TNPO3: variants seen among roughly 807,000 people sequenced by gnomAD.
TNPO3 encodes the protein transportin-3.
TNPO3 carries 65 observed loss-of-function variants against 122.8 expected under a neutral mutation model. The ratio of observed to expected loss-of-function variants is 0.53; its 90% CI spans 0.43 to 0.65. TNPO3 has a LOEUF of 0.65. Ranked by LOEUF, TNPO3 falls within the 30% of genes least tolerant of loss-of-function variation. The probability of loss-of-function intolerance (pLI) is 0.00; values close to 1 mark genes in which losing one functional copy is unlikely to be tolerated. For synonymous variants in TNPO3, 372 were observed against 411.2 expected, an observed-to-expected ratio of 0.90 and a Z score of 1.15; for missense variants, 850 against 1,136.7, an observed-to-expected ratio of 0.75 and a Z score of 3.63.
chr7:128,995,866 T>G (rs1428538174), intron 8 of TNPO3, among the ~76,000 whole-genome samples: 1 of 152,106 alleles, frequency 6.6e-6, no homozygotes, highest in Non-Finnish European at 1.5e-5. Flanking sequence ...GCCCAGCTAA[T>G]TTTTGTATTT....
chr7:128,997,445 A>C lies in TNPO3; in HGVS notation c.1102T>G (p.Tyr368Asp). 1 of 1,614,226 alleles carries C rather than the reference A, an allele frequency of 6.2e-7. No homozygotes were observed. The highest frequency in any genetic ancestry group is 8.5e-7 in the Non-Finnish European group (1 of 1,180,010). Reference sequence around the variant, plus strand: ...AAGGCGTGAAGCAGCCTCTGAATGTAAGCTTTGAAGATGCCATGAATAACT... The same window carrying C: ...AAGGCGTGAAGCAGCCTCTGAATGTCAGCTTTGAAGATGCCATGAATAACT... ...DEVIHGIFKA[Y>D]IQRLLHALAR... The change falls in exon 8 of 23, where the codon TAC (tyrosine) becomes GAC (aspartate). Residue 368 changes from tyrosine (Y) to aspartate (D), a missense_variant. Transcript: ENST00000265388.
upstream of TNPO3, chr7:129,056,048 G>A: frequency 2.6e-6 from 3 of 1,153,634 alleles, no homozygotes; most frequent in South Asian, 3.9e-5. Flanking sequence ...TCTTCGTGGG[G>A]AGGAACTGGA....
chr7:129,035,039 C>G (rs1018469208), intron 1 of TNPO3, among the ~76,000 whole-genome samples: 8 of 151,990 alleles, frequency 5.3e-5, no homozygotes, highest in Non-Finnish European at 1.2e-4. Context: ...CTTTGGGAGG[C>G]AGAGGTGGGC....
Position 128,982,355 on chromosome 7 carries a change from T to C in TNPO3, c.1783-31A>G, listed in dbSNP as rs369589124. The C allele has an allele frequency of 4.8e-5, 77 of 1,591,984 alleles. No homozygotes were observed. The Middle Eastern group carries it at 1.2e-3, about 24-fold the overall frequency. On this transcript the variant is annotated intron_variant, in intron 13 of 22. Transcript: ENST00000265388. ...GAGACAAAAGGACATTAACACCCAATTGTCACATGTACAAATCTACAGCCA... is the reference window on the plus strand; with the variant it reads ...GAGACAAAAGGACATTAACACCCAACTGTCACATGTACAAATCTACAGCCA...
chr7:129,001,352 G>A, intron 5 of TNPO3, 118 bp from the exon 6 acceptor site: 2 of 800,520 alleles, frequency 2.5e-6, no homozygotes, highest in South Asian at 3.0e-5. Flanking sequence ...CAAAATATAA[G>A]TAAATAATAA....
At chr7:129,032,326 A>G (rs1806046283) in intron 1 of TNPO3, among the ~76,000 whole-genome samples, 1 of 152,230 alleles carries the variant, frequency 6.6e-6, no homozygotes, top group Non-Finnish European at 1.5e-5. Flanking sequence ...TGCCACTTCT[A>G]TTCAACATAG....
intron 20 of TNPO3, 72 bp from the exon 21 acceptor site, chr7:128,967,464 A>T: frequency 1.1e-6 from 1 of 938,380 alleles, no homozygotes; most frequent in Admixed American, 2.0e-5. Context: ...ACAGATACTA[A>T]CAAAACCCCA....
intron 1 of TNPO3, among the ~76,000 whole-genome samples, chr7:129,046,917 A>T (rs775606469): frequency 3.3e-5 from 5 of 152,144 alleles, no homozygotes; most frequent in African/African-American, 1.2e-4. Flanking sequence ...AATTACCTCT[A>T]CCTGGCCCCA....
At chr7:128,987,465 A>G (rs940182208) in intron 11 of TNPO3, among the ~76,000 whole-genome samples, 1 of 152,224 alleles carries the variant, frequency 6.6e-6, no homozygotes, top group Non-Finnish European at 1.5e-5. Flanking sequence ...ACCAAATGTA[A>G]GTGCTCCAAG....
chr7:128,991,113 A>T (rs1288642798), intron 10 of TNPO3, among the ~76,000 whole-genome samples: 1 of 152,226 alleles, frequency 6.6e-6, no homozygotes, highest in African/African-American at 2.4e-5. Flanking sequence ...TAATCTTCAG[A>T]CTTGTCACAG....
intron 15 of TNPO3, among the ~76,000 whole-genome samples, chr7:128,979,448 AAGAT>A (rs1799415448): frequency 6.6e-6 from 1 of 152,236 alleles, no homozygotes; most frequent in Non-Finnish European, 1.5e-5. Flanking sequence ...GAGATGTTTA[AAGAT>A]AGTTCCTGGA....
intron 1 of TNPO3, among the ~76,000 whole-genome samples, chr7:129,040,004 C>T (rs1451644226): frequency 6.6e-6 from 1 of 152,146 alleles, no homozygotes; most frequent in Non-Finnish European, 1.5e-5. Context: ...CCTGTAATCC[C>T]AACACTTTGG....
At chr7:128,968,930 C>A (rs1798187260) in intron 20 of TNPO3, among the ~76,000 whole-genome samples, 1 of 151,712 alleles carries the variant, frequency 6.6e-6, no homozygotes, top group Non-Finnish European at 1.5e-5. Context: ...TCTATGTTGC[C>A]CAGGCTGGTA....
chr7:128,996,379 AATC>A (rs1313234952), intron 8 of TNPO3, among the ~76,000 whole-genome samples: 1 of 152,142 alleles, frequency 6.6e-6, no homozygotes, highest in African/African-American at 2.4e-5. Context: ...CATGGGGCAA[AATC>A]ATACACACAA....
In TNPO3 at chr7:129,019,051, G is replaced by T. The variant is rs570885568; in HGVS notation, c.121-894C>A. ...TTATTTTCTGATGTATTACTACTTG[G>T]CAAAGTGCTACACATGTTACTGAAA... On this transcript the variant is annotated intron_variant, in intron 1 of 22. Coordinates refer to ENST00000265388, the MANE Select transcript of TNPO3 (RefSeq NM_012470.4). Among the ~76,000 whole-genome samples, 4 of 152,196 alleles carry T rather than the reference G, an allele frequency of 2.6e-5. No individual in the cohort carries two copies. In the East Asian group the frequency reaches 7.7e-4, roughly 29 times the overall value.
intron 4 of TNPO3, among the ~76,000 whole-genome samples, chr7:129,012,368 A>C (rs1469890080): frequency 6.6e-6 from 1 of 152,030 alleles, no homozygotes; most frequent in African/African-American, 2.4e-5. Context: ...TTTTTTTTCA[A>C]ACTAAAAGAT....
intron 1 of TNPO3, among the ~76,000 whole-genome samples, chr7:129,021,848 A>T (rs980904399): frequency 8.5e-5 from 13 of 152,162 alleles, no homozygotes; most frequent in African/African-American, 2.4e-4. Context: ...ATCAGAAATT[A>T]AAAAAATCCC....
At chr7:128,995,950 C>T (rs891319497) in intron 8 of TNPO3, among the ~76,000 whole-genome samples, 7 of 152,164 alleles carry the variant, frequency 4.6e-5, no homozygotes, top group South Asian at 2.1e-4. Flanking sequence ...CCACCCGCCT[C>T]GGCCTCCCAA....
chr7:128,984,010 A>G (rs1331558210), intron 13 of TNPO3, among the ~76,000 whole-genome samples, 158 bp downstream of exon 13: 3 of 152,228 alleles, frequency 2.0e-5, no homozygotes, highest in African/African-American at 7.2e-5. Context: ...TATTTATTGT[A>G]TGCAGCTACT....
Sources: gnomAD v4.1 joint callset for allele counts (sites outside exome capture counted in the v4.1 genomes callset) on GRCh38, gnomAD v4.1.1 for gene constraint, MANE v1.5 for transcripts, NCBI Gene and HGNC (gene_info 2026-07-23, HGNC 2026-07-21) for gene names.